SLC24A2: variants seen among roughly 807,000 people sequenced by gnomAD.
The protein encoded by SLC24A2 is solute carrier family 24 member 2.
Under a neutral mutation model 62.0 loss-of-function variants are expected in SLC24A2, and 36 were observed. That is an observed-to-expected ratio of 0.58 (90% CI 0.44 to 0.77). SLC24A2 has a LOEUF of 0.77. Ranked by LOEUF, SLC24A2 falls within the 30% of genes least tolerant of loss-of-function variation. The pLI, the probability that SLC24A2 is intolerant of heterozygous loss-of-function variation, is 0.00. For missense variants in SLC24A2, 846 were observed against 817.9 expected (o/e 1.03, Z -0.42); for synonymous variants, 358 against 294.0 (o/e 1.22, Z -2.23).
chr9:19,928,448 C>G, the SLC24A2 span: 1 of 152,214 alleles, frequency 6.6e-6, no homozygotes, highest in Non-Finnish European at 1.5e-5. Flanking sequence ...AGTCCCAGCT[C>G]ATACTCTTCA....
the SLC24A2 span, among the ~76,000 whole-genome samples, chr9:20,222,176 G>T: frequency 6.6e-6 from 1 of 151,718 alleles, no homozygotes; most frequent in East Asian, 1.9e-4. Flanking sequence ...AAACATGTAA[G>T]AGTGACAACT....
chr9:19,569,526 C>T (rs1301290567), intron 7 of SLC24A2, among the ~76,000 whole-genome samples: 1 of 151,700 alleles, frequency 6.6e-6, no homozygotes, highest in East Asian at 2.0e-4. Flanking sequence ...ACTTCTCCTC[C>T]CCTCCACGTC....
rs1170500720 is a variant in SLC24A2, at chr9:19,786,193, A to G, written c.674T>C (p.Leu225Pro). ...CAGGTTTAAGATTTCTCTAGAAAAC[A>G]GAGCACACATGCCAATAACAAAGAG... is the stretch of plus-strand genomic sequence containing the variant. ...NILFVIGMCALFSREILNLTW... is the reference protein window; with the variant it reads ...NILFVIGMCAPFSREILNLTW... Residue 225 changes from leucine to proline, a missense_variant, in exon 2 of 11, where the codon CTG becomes CCG. Transcript: ENST00000341998. This position sits in a 1 kb window ranked among gnomAD's most constrained non-coding sequence, Gnocchi z 5.0. The G allele has an allele frequency of 6.2e-7, 1 of 1,614,200 alleles. No individual in the cohort carries two copies.
chr9:19,836,029 G>A, the SLC24A2 span, among the ~76,000 whole-genome samples: 7 of 152,202 alleles, frequency 4.6e-5, no homozygotes, highest in East Asian at 5.8e-4. Context: ...TGAAACCAGC[G>A]AGAACAAAGA....
the SLC24A2 span, among the ~76,000 whole-genome samples, chr9:20,285,415 G>A: frequency 6.6e-6 from 1 of 152,216 alleles, no homozygotes; most frequent in African/African-American, 2.4e-5. Context: ...CTAGTCCAAG[G>A]CTGAAGGCCT....
chr9:20,269,509 G>A, the SLC24A2 span, among the ~76,000 whole-genome samples: 4 of 152,270 alleles, frequency 2.6e-5, no homozygotes, highest in Admixed American at 1.3e-4. Flanking sequence ...GAAGGGGCAC[G>A]AGTGAAAGGA....
chr9:19,605,292 A>C (rs1028587049), intron 4 of SLC24A2, among the ~76,000 whole-genome samples: 1 of 152,192 alleles, frequency 6.6e-6, no homozygotes, highest in Non-Finnish European at 1.5e-5. Flanking sequence ...GGAAAGATAC[A>C]TTTTTTAGTC....
chr9:19,608,265 A>G (rs893715978), intron 4 of SLC24A2, among the ~76,000 whole-genome samples: 1 of 152,180 alleles, frequency 6.6e-6, no homozygotes, highest in African/African-American at 2.4e-5. Flanking sequence ...AGGGGGCATG[A>G]AATGACTTTC....
the SLC24A2 span, among the ~76,000 whole-genome samples, chr9:20,193,053 T>C: frequency 1.3e-5 from 2 of 152,130 alleles, no homozygotes; most frequent in Non-Finnish European, 2.9e-5. Flanking sequence ...TCATAAGAGG[T>C]CTAAAGTCAG....
At chr9:20,180,667 C>G in the SLC24A2 span, among the ~76,000 whole-genome samples, 1 of 152,078 alleles carries the variant, frequency 6.6e-6, no homozygotes, top group Non-Finnish European at 1.5e-5. Context: ...AGCCTAAAGA[C>G]TTGGGCATAA....
At chr9:19,869,016 CTG>C in the SLC24A2 span, among the ~76,000 whole-genome samples, 1 of 152,106 alleles carries the variant, frequency 6.6e-6, no homozygotes, top group Non-Finnish European at 1.5e-5. Flanking sequence ...TGGTCTCACT[CTG>C]TTACCCAGGC....
At chr9:20,276,945 C>T in the SLC24A2 span, among the ~76,000 whole-genome samples, 2 of 152,196 alleles carry the variant, frequency 1.3e-5, no homozygotes, top group African/African-American at 4.8e-5. Context: ...GGACCTGGCC[C>T]ATGAAACCAT....
chr9:19,661,054 T>C (rs1238657777), intron 2 of SLC24A2, among the ~76,000 whole-genome samples: 1 of 152,200 alleles, frequency 6.6e-6, no homozygotes, highest in Non-Finnish European at 1.5e-5. Flanking sequence ...GAGCTAGTGT[T>C]TGAAATACTT....
chr9:20,235,855 A>G, the SLC24A2 span, among the ~76,000 whole-genome samples: 7 of 152,216 alleles, frequency 4.6e-5, no homozygotes, highest in East Asian at 1.2e-3. Flanking sequence ...AGCTGTTCCC[A>G]TTCGGCCTTC....
At chr9:19,953,795 T>A in the SLC24A2 span, among the ~76,000 whole-genome samples, 1 of 152,098 alleles carries the variant, frequency 6.6e-6, no homozygotes, top group African/African-American at 2.4e-5. Flanking sequence ...CCTATTTGTT[T>A]TACATTTATT....
the SLC24A2 span, among the ~76,000 whole-genome samples, chr9:19,999,545 C>G: frequency 6.6e-6 from 1 of 152,152 alleles, no homozygotes; most frequent in Admixed American, 6.5e-5. Flanking sequence ...TCTGAGTAAA[C>G]TCTATATTTC....
At chr9:19,880,056 T>G in the SLC24A2 span, among the ~76,000 whole-genome samples, 1 of 152,208 alleles carries the variant, frequency 6.6e-6, no homozygotes, top group African/African-American at 2.4e-5. Context: ...AGTCAAAATC[T>G]ACTTATGTTT....
chr9:19,755,461 A>G (rs547293696), intron 2 of SLC24A2, among the ~76,000 whole-genome samples: 38 of 152,346 alleles, frequency 2.5e-4, no homozygotes, highest in African/African-American at 8.9e-4. Flanking sequence ...AATAATTGAA[A>G]CTTATTAAGT....
At chr9:19,617,314 G>C (rs1378866275) in intron 4 of SLC24A2, among the ~76,000 whole-genome samples, 1 of 152,200 alleles carries the variant, frequency 6.6e-6, no homozygotes, top group East Asian at 1.9e-4. Context: ...GCTGGTACCA[G>C]TCCGTGGTCT....
Sources: allele counts gnomAD v4.1 joint callset (sites outside exome capture counted in the v4.1 genomes callset), GRCh38; gene constraint gnomAD v4.1.1; non-coding constraint Gnocchi (gnomAD v3.1); transcripts MANE v1.5; gene names NCBI Gene and HGNC (gene_info 2026-07-23, HGNC 2026-07-21).